PDE4D: variants seen among roughly 807,000 people sequenced by gnomAD.
The protein encoded by PDE4D is 3',5'-cyclic-AMP phosphodiesterase 4D.
PDE4D carries 24 observed loss-of-function variants against 87.4 expected under a neutral mutation model. That is an observed-to-expected ratio of 0.27 (90% CI 0.20 to 0.39). PDE4D has a LOEUF of 0.39. PDE4D is among the 10% of genes least tolerant of loss of function. The pLI, the probability that PDE4D is intolerant of heterozygous loss-of-function variation, is 1.00. For synonymous variants in PDE4D, 384 were observed against 383.2 expected, an observed-to-expected ratio of 1.00 and a Z score of -0.02; for missense variants, 714 against 1,041.0, an observed-to-expected ratio of 0.69 and a Z score of 4.32.
chr5:60,065,030 A>G (rs1771897483), intron 2 of PDE4D, among the ~76,000 whole-genome samples: 2 of 152,166 alleles, frequency 1.3e-5, no homozygotes, highest in Non-Finnish European at 2.9e-5. Flanking sequence ...AAGAAATACA[A>G]TAGTGAATAA....
At chr5:60,512,997 A>C (rs749051661) in intron 1 of PDE4D, among the ~76,000 whole-genome samples, 4 of 152,228 alleles carry the variant, frequency 2.6e-5, no homozygotes, top group Non-Finnish European at 4.4e-5. Context: ...AAAGTGGAAA[A>C]TAATAATAAA....
intron 1 of PDE4D, among the ~76,000 whole-genome samples, chr5:59,878,075 G>C (rs1415025121): frequency 6.6e-6 from 1 of 152,168 alleles, no homozygotes; most frequent in African/African-American, 2.4e-5. Context: ...AACAGGGGAA[G>C]GAGGGAAATG....
At chr5:59,276,172 T>C in intron 1 of PDE4D, 3 of 972,132 alleles carry the variant, frequency 3.1e-6, no homozygotes, top group Non-Finnish European at 3.6e-6. Flanking sequence ...CCTAGCCTCG[T>C]CAATTGCTGA....
intron 1 of PDE4D, among the ~76,000 whole-genome samples, chr5:59,605,542 C>T (rs1311076021): frequency 6.6e-6 from 1 of 152,054 alleles, no homozygotes; most frequent in Non-Finnish European, 1.5e-5. Context: ...GTGTAGAAAG[C>T]ACCGTTATTA....
At chr5:59,167,409 T>C (rs975208158) in intron 5 of PDE4D, among the ~76,000 whole-genome samples, 2 of 152,166 alleles carry the variant, frequency 1.3e-5, no homozygotes, top group African/African-American at 4.8e-5. Flanking sequence ...ACTTCAGAGG[T>C]ATCTTACTTG....
intron 1 of PDE4D, chr5:59,357,078 T>C (rs538196813): frequency 2.5e-5 from 11 of 433,374 alleles, no homozygotes; most frequent in African/African-American, 1.9e-4. Context: ...CAGAGTTTGC[T>C]TCACTCAGGC....
chr5:59,840,152 C>A (rs755029966), intron 1 of PDE4D, among the ~76,000 whole-genome samples: 3 of 151,676 alleles, frequency 2.0e-5, no homozygotes, highest in Non-Finnish European at 4.4e-5. Context: ...CTCTTCCATG[C>A]TAGTTAATTA....
rs142656509 is a variant in PDE4D, at chr5:59,473,948, C to A, written c.456-257980G>T. ...CATTGCAACTGTGCCTTTGACAGTT[C>A]CCATATAAAGCTTAGCTTAGAATTT... On this transcript the variant is annotated intron_variant, in intron 1 of 14. Coordinates refer to ENST00000340635, the MANE Select transcript of PDE4D (RefSeq NM_001104631.2). Among the ~76,000 whole-genome samples, 173 of 152,260 alleles carry A rather than the reference C, an allele frequency of 1.1e-3. 2 individuals are homozygous for A. In the East Asian group the frequency reaches 0.03, roughly 26 times the overall value.
At chr5:59,807,912 G>A (rs1474170273) in intron 1 of PDE4D, among the ~76,000 whole-genome samples, 1 of 152,110 alleles carries the variant, frequency 6.6e-6, no homozygotes, top group Non-Finnish European at 1.5e-5. Flanking sequence ...CAAGACCTAC[G>A]GAGACAGACG....
At chr5:59,602,699 T>C (rs1199180450) in intron 1 of PDE4D, among the ~76,000 whole-genome samples, 2 of 152,040 alleles carry the variant, frequency 1.3e-5, no homozygotes, top group Non-Finnish European at 2.9e-5. Flanking sequence ...CTAAATTTCA[T>C]ATGGAACCAC....
In PDE4D at chr5:59,522,404, CACAA is replaced by C. The variant is rs547482401; in HGVS notation, c.456-306440_456-306437del. ...GACTTAGAGACAGTTGCTAGCTGCACACAAACAGTGTCACTGTCCACTATTTTAC... is the reference window on the plus strand; with the variant it reads ...GACTTAGAGACAGTTGCTAGCTGCACACAGTGTCACTGTCCACTATTTTAC... On this transcript the variant is annotated intron_variant, in intron 1 of 14. Coordinates refer to ENST00000340635, the MANE Select transcript of PDE4D (RefSeq NM_001104631.2). Among the ~76,000 whole-genome samples the C allele has an allele frequency of 1.4e-4, 22 of 152,280 alleles. No homozygotes were observed. The South Asian group carries it at 2.9e-3, about 20-fold the overall frequency.
intron 1 of PDE4D, among the ~76,000 whole-genome samples, chr5:59,555,309 G>A (rs1818714093): frequency 6.6e-6 from 1 of 152,064 alleles, no homozygotes; most frequent in African/African-American, 2.4e-5. Context: ...AAAATACATG[G>A]ACACAAAGAG....
At chr5:59,256,458 A>G (rs1760980240) in intron 1 of PDE4D, among the ~76,000 whole-genome samples, 1 of 152,122 alleles carries the variant, frequency 6.6e-6, no homozygotes, top group Non-Finnish European at 1.5e-5. Context: ...GTCTCAGAGC[A>G]AAAGGATGAA....
intron 5 of PDE4D, chr5:59,039,210 C>G (rs1003140322): frequency 7.7e-7 from 1 of 1,294,068 alleles, no homozygotes; most frequent in Non-Finnish European, 9.8e-7. Flanking sequence ...GGTCGGCCTC[C>G]AGGGAGGGCG....
In PDE4D at chr5:60,351,337, T is replaced by C. The variant is rs1243986023; in HGVS notation, c.-90+136605A>G. On this transcript the variant is annotated intron_variant, in intron 1 of 16. Coordinates refer to the PDE4D transcript ENST00000502484. ...ATTTTTTTGCTAGGTATATTTCTGC[T>C]TGGCCAAATAGCCTAAATTTACAGG... 8.5e-5 allele frequency among the ~76,000 whole-genome samples: 13 copies of C among 152,204 alleles called. 1 individual carries two copies. The highest frequency in any genetic ancestry group is 8.5e-4 in the Admixed American group (13 of 15,272).
intron 5 of PDE4D, among the ~76,000 whole-genome samples, chr5:59,056,173 T>A (rs973354888): frequency 6.6e-6 from 1 of 151,686 alleles, no homozygotes; most frequent in African/African-American, 2.4e-5. Flanking sequence ...ACAGAAGGAG[T>A]GGATCTGGTG....
At chr5:59,156,299 A>G (rs1300686815) in intron 5 of PDE4D, among the ~76,000 whole-genome samples, 6 of 136,390 alleles carry the variant, frequency 4.4e-5, no homozygotes, top group African/African-American at 1.7e-4. Context: ...CCTGAACTAG[A>G]GACTTGCCAG....
intron 1 of PDE4D, among the ~76,000 whole-genome samples, chr5:59,838,564 G>A (rs1206566441): frequency 3.9e-5 from 6 of 151,944 alleles, no homozygotes; most frequent in South Asian, 2.1e-4. Flanking sequence ...CTTTCCCTTC[G>A]GTTTTGAATC....
chr5:60,153,861 G>T (rs1781732156), intron 2 of PDE4D, among the ~76,000 whole-genome samples: 1 of 152,114 alleles, frequency 6.6e-6, no homozygotes, highest in Non-Finnish European at 1.5e-5. Flanking sequence ...GTCTGAGGAG[G>T]GGGAAATGAG....
Sources: allele counts gnomAD v4.1 joint callset (sites outside exome capture counted in the v4.1 genomes callset), GRCh38; gene constraint gnomAD v4.1.1; transcripts MANE v1.5; gene names NCBI Gene and HGNC (gene_info 2026-07-23, HGNC 2026-07-21).